TET2: variants seen among roughly 807,000 people sequenced by gnomAD.
TET2 encodes methylcytosine dioxygenase TET2.
A neutral mutation model predicts 142.9 loss-of-function variants in TET2; 299 were observed. The ratio of observed to expected loss-of-function variants is 2.09; its 90% CI spans 1.90 to 2.30. TET2 has a LOEUF of 2.30. Among genes scored for constraint, TET2 ranks in the 30% most tolerant of loss-of-function variants. TET2 has a pLI of 0.00. For synonymous variants in TET2, 819 were observed against 849.0 expected (o/e 0.96, Z 0.61); for missense variants, 2,418 against 2,378.0 (o/e 1.02, Z -0.35).
At position 105,241,379 on chromosome 4, in the gene TET2, T is replaced by A. The variant is rs2110248898; in HGVS notation, c.3450T>A (p.His1150Gln). 3 of 1,550,790 alleles carry A rather than the reference T, an allele frequency of 1.9e-6. No homozygotes were observed. Residue 1150 changes from histidine to glutamine, a missense_variant, in exon 4 of 11, where the codon CAT becomes CAA. Coordinates refer to ENST00000380013, the MANE Select transcript of TET2 (RefSeq NM_001127208.3). ...IEKDEGPFYT[H>Q]LGAGPNVAAI... is the part of the protein sequence containing the mutation. The stretch of plus-strand genomic sequence containing the variant: ...AAGATGAAGGTCCTTTTTATACCCA[T>A]CTAGGAGCAGGTCCTAATGTGGCAG...
At chr4:105,163,852 A>ACT (rs1560716859) in intron 1 of TET2, among the ~76,000 whole-genome samples, 8 of 105,880 alleles carry the variant, frequency 7.6e-5, no homozygotes, top group African/African-American at 1.1e-4. Flanking sequence ...AGAGAGAGAG[A>ACT]GAGTGTGTGT....
Position 105,234,024 on chromosome 4 carries a change from G to C in TET2, c.82G>C (p.Glu28Gln). 6.2e-7 allele frequency: 1 copy of C among 1,614,054 alleles called. No homozygotes were observed. The highest frequency in any genetic ancestry group is 8.5e-7 in the Non-Finnish European group (1 of 1,179,984). ...LIPSPPICQT[E>Q]PLATKLQNGS... ...ACCATCACCTCCCATTTGCCAGACAGAACCTCTGGCTACAAAGCTCCAGAA... is the reference window on the plus strand; with the variant it reads ...ACCATCACCTCCCATTTGCCAGACACAACCTCTGGCTACAAAGCTCCAGAA... The change falls in exon 3 of 11, where the codon GAA becomes CAA. Residue 28 changes from glutamate (E) to glutamine (Q), a missense_variant. By Grantham distance (29) the Glu-to-Gln change is conservative. Coordinates refer to ENST00000380013, the MANE Select transcript of TET2 (RefSeq NM_001127208.3).
rs1327710399 is a variant in TET2 at position 105,236,476 on chromosome 4, AAGAAC to A, written c.2538_2542del (p.Glu846AspfsTer5). 1 of 1,613,998 alleles carries A rather than the reference AAGAAC, an allele frequency of 6.2e-7. No homozygotes were observed. ...AATACACACCTAGTTTCAGAGAATAAAGAACAGACTACACATCCTGAACTTTTTGC... is the reference window on the plus strand; with the variant it reads ...AATACACACCTAGTTTCAGAGAATAAAGACTACACATCCTGAACTTTTTGC... On this transcript the variant is annotated frameshift_variant, in exon 3 of 11. Coordinates refer to ENST00000380013, the MANE Select transcript of TET2 (RefSeq NM_001127208.3). LOFTEE classifies it high-confidence loss of function.
chr4:105,200,230 C>T (rs189398857), intron 2 of TET2, among the ~76,000 whole-genome samples: 47 of 152,216 alleles, frequency 3.1e-4, no homozygotes, highest in Admixed American at 8.5e-4. Context: ...TAATAATAGC[C>T]GTCCTGACTG....
rs2110223218 is a variant in TET2, at chr4:105,234,792, C to T, written c.850C>T (p.Leu284=). ...TTCCGCACAGACCTCTAACTCTGAG[C>T]TGCCTCCAAAGCCAGCTGCAGTGGT... is the stretch of plus-strand genomic sequence containing the variant. The part of the protein sequence containing the change: ...INSAQTSNSE[L]PPKPAAVVSE... Residue 284 remains leucine, a synonymous_variant, in exon 3 of 11, where the codon CTG becomes TTG. Transcript: ENST00000380013. 6.2e-7 allele frequency: 1 copy of T among 1,613,824 alleles called. No individual in the cohort carries two copies. The highest frequency in any genetic ancestry group is 8.5e-7 in the Non-Finnish European group (1 of 1,179,902).
chr4:105,236,581 A>G lies in TET2; in HGVS notation c.2639A>G (p.His880Arg), dbSNP rs373659652. 19 of 1,614,126 alleles carry G rather than the reference A, an allele frequency of 1.2e-5. No homozygotes were observed. In the African/African-American group the frequency reaches 1.7e-4, roughly 15 times the overall value. The change falls in exon 3 of 11, where the codon CAC (histidine) becomes CGC (arginine). Residue 880 changes from histidine to arginine, a missense_variant. By Grantham distance (29) the His-to-Arg change is conservative. Transcript: ENST00000380013. ...NNVIPKQDLL[H>R]RCFQEQEQKS... ...GTGATCCCAAAGCAAGATCTTCTTC[A>G]CAGGTGCTTTCAAGAACAGGAGCAG...
rs1482041624 is a variant in TET2 at position 105,234,531 on chromosome 4, A to C, written c.589A>C (p.Ile197Leu). ...GKSANYHDKN[I>L]VLLKNKAVLM... ...AAGTGCTAATTACCATGACAAGAACATTGTATTACTTAAAAACAAGGCAGT... is the reference window on the plus strand; with the variant it reads ...AAGTGCTAATTACCATGACAAGAACCTTGTATTACTTAAAAACAAGGCAGT... The change falls in exon 3 of 11, where the codon ATT becomes CTT. Residue 197 changes from isoleucine (I) to leucine (L), a missense_variant. By Grantham distance (5) the Ile-to-Leu change is conservative. Transcript: ENST00000380013. The C allele has an allele frequency of 6.2e-7, 1 of 1,614,026 alleles. No homozygotes were observed. Among genetic ancestry groups the C allele is most frequent in the Admixed American group, 1.7e-5 (1 of 59,994 alleles).
At chr4:105,202,971 C>G (rs1726567809) in intron 2 of TET2, among the ~76,000 whole-genome samples, 1 of 152,148 alleles carries the variant, frequency 6.6e-6, no homozygotes, top group Admixed American at 6.5e-5. Context: ...TAATTGGATA[C>G]CTGACCAAAT....
At chr4:105,193,262 G>A (rs1278263031) in intron 2 of TET2, among the ~76,000 whole-genome samples, 14 of 152,096 alleles carry the variant, frequency 9.2e-5, no homozygotes, top group Admixed American at 9.2e-4. Context: ...AAATAAGAAT[G>A]TTGGCCTTTA....
Position 105,269,583 on chromosome 4 carries a change from G to T in TET2, c.4045-27G>T, listed in dbSNP as rs115898311. On this transcript the variant is annotated intron_variant, in intron 8 of 10. Coordinates refer to ENST00000380013, the MANE Select transcript of TET2 (RefSeq NM_001127208.3). ...TGTAAGAGTAAAACTAACTACTTTC[G>T]CATTCACACACACTTTTATTTTTCA... 1.9e-6 allele frequency: 3 copies of T among 1,548,376 alleles called. 1 individual carries two copies. Among genetic ancestry groups the T allele is most frequent in the South Asian group, 2.4e-5 (2 of 83,894 alleles).
Position 105,278,434 on chromosome 4 carries a change from C to A in TET2, c.*1915C>A. The A allele has an allele frequency of 9.4e-6, 2 of 213,548 alleles. No individual in the cohort carries two copies. Among genetic ancestry groups the A allele is most frequent in the African/African-American group, 2.3e-5 (1 of 43,694 alleles). The allele number at this position is 213,548 out of a possible 1,614,324, so 13.2% of individuals were successfully genotyped here. A position where few individuals can be genotyped will look rare whatever the true frequency, so the allele number is the denominator to read the frequency against. On this transcript the variant is annotated 3_prime_UTR_variant, in exon 11 of 11. Transcript: ENST00000380013. ...AAAAAAAGCATACCTTTTTTCAATA[C>A]TTGATTTCTTAGCAAGTATAACTTG...
At chr4:105,190,198 G>C (rs1161126202) in intron 1 of TET2, among the ~76,000 whole-genome samples, 162 bp from the exon 2 acceptor site, 3 of 152,196 alleles carry the variant, frequency 2.0e-5, no homozygotes, top group Non-Finnish European at 2.9e-5. Context: ...ACATTTGAGA[G>C]TGTCATTGCT....
intron 3 of TET2, chr4:105,239,794 T>A (rs1398851168): frequency 4.3e-6 from 1 of 230,234 alleles, no homozygotes; most frequent in East Asian, 6.2e-5. Flanking sequence ...CAGCCTGTCT[T>A]GGCTTTTGAC....
chr4:105,241,245 C>T (rs1246689590), intron 3 of TET2, 94 bp from the exon 4 acceptor site: 4 of 1,406,840 alleles, frequency 2.8e-6, no homozygotes, highest in Admixed American at 3.2e-5. Context: ...TTTTAGAGCC[C>T]TTAATGTGTA....
At position 105,196,994 on chromosome 4, in the gene TET2, T is replaced by C. The variant is rs145674006; in HGVS notation, c.-47+6489T>C. Among the ~76,000 whole-genome samples the C allele has an allele frequency of 8.6e-3, 1,307 of 152,262 alleles. 11 individuals are homozygous for C. Among genetic ancestry groups the C allele is most frequent in the Non-Finnish European group, 0.014 (949 of 68,012 alleles). On this transcript the variant is annotated intron_variant, in intron 2 of 10. Coordinates refer to ENST00000380013, the MANE Select transcript of TET2 (RefSeq NM_001127208.3). ...GCCCACTAAGTGGAGGGAAGAGGTG[T>C]GGGAGTCGAGTAGTTGGAACTTCAA...
chr4:105,242,818 T>G lies in TET2; in HGVS notation c.3501-16T>G. 1 of 1,547,940 alleles carries G rather than the reference T, an allele frequency of 6.5e-7. No homozygotes were observed. The highest frequency in any genetic ancestry group is 8.7e-7 in the Non-Finnish European group (1 of 1,146,064). On this transcript the variant is annotated splice_polypyrimidine_tract_variant and intron_variant, in intron 4 of 10. Transcript: ENST00000380013. ...TGCTAATTGTATGTGTGTGTGTTTCTGTGGGTTTCTTTAAGGTTTGGACAG... is the reference window on the plus strand; with the variant it reads ...TGCTAATTGTATGTGTGTGTGTTTCGGTGGGTTTCTTTAAGGTTTGGACAG...
chr4:105,172,109 G>A (rs944543611), intron 1 of TET2, among the ~76,000 whole-genome samples: 9 of 152,112 alleles, frequency 5.9e-5, no homozygotes, highest in African/African-American at 2.2e-4. Context: ...GCAAAGTAGG[G>A]ATGCGTGTGT....
chr4:105,274,639 A>C (rs1423157939), intron 10 of TET2, among the ~76,000 whole-genome samples: 1 of 152,190 alleles, frequency 6.6e-6, no homozygotes, highest in East Asian at 1.9e-4. Context: ...GCTTTATCAG[A>C]TCTATCTTTG....
At chr4:105,259,575 A>G in intron 6 of TET2, 44 bp from the exon 7 acceptor site, 1 of 1,540,254 alleles carries the variant, frequency 6.5e-7, no homozygotes. Flanking sequence ...CACAGCCTAT[A>G]TAATGCTATC....
Sources: gnomAD v4.1 joint callset for allele counts (sites outside exome capture counted in the v4.1 genomes callset) on GRCh38, gnomAD v4.1.1 for gene constraint, MANE v1.5 for transcripts, NCBI Gene and HGNC (gene_info 2026-07-23, HGNC 2026-07-21) for gene names.